IL17RC: variants seen among roughly 807,000 people sequenced by gnomAD.
IL17RC encodes the protein interleukin 17 receptor C, also known as interleukin-17 receptor C.
A neutral mutation model predicts 86.7 loss-of-function variants in IL17RC; 53 were observed. The observed-to-expected ratio is 0.61, with a 90% confidence interval of 0.49 to 0.77. The LOEUF (loss-of-function observed/expected upper bound fraction) is 0.77. Ranked by LOEUF, IL17RC falls within the 30% of genes least tolerant of loss-of-function variation. The probability of loss-of-function intolerance (pLI) is 0.00; values close to 1 mark genes in which losing one functional copy is unlikely to be tolerated. For synonymous variants in IL17RC, 439 were observed against 413.1 expected (o/e 1.06, Z -0.76); for missense variants, 957 against 940.0 (o/e 1.02, Z -0.24).
chr3:9,917,309 C>T lies in IL17RC; in HGVS notation c.-7C>T. ...CTCAGGCCTGGGTGCCACCTGGCAC[C>T]TAGAAGATGCCTGTGCCCTGGTTCT... On this transcript the variant is annotated 5_prime_UTR_variant, in exon 1 of 19. Transcript: ENST00000403601. 6.2e-7 allele frequency: 1 copy of T among 1,610,122 alleles called. No individual in the cohort carries two copies. Among genetic ancestry groups the T allele is most frequent in the Non-Finnish European group, 8.5e-7 (1 of 1,177,512 alleles).
chr3:9,931,470 C>CACACACACATATATATATAT (rs750351615), intron 16 of IL17RC, among the ~76,000 whole-genome samples: 18 of 43,718 alleles, frequency 4.1e-4, no homozygotes, highest in South Asian at 2.7e-3. Flanking sequence ...CACACACACA[C>CACACACACATATATATATAT]ATATATATAT....
At chr3:9,925,495 C>T (rs757932982) in intron 9 of IL17RC, among the ~76,000 whole-genome samples, 2 of 152,090 alleles carry the variant, frequency 1.3e-5, no homozygotes, top group Non-Finnish European at 2.9e-5. Flanking sequence ...CTTTCCCCCT[C>T]CTCTCCATCT....
chr3:9,933,267 C>T lies in IL17RC; in HGVS notation c.1837C>T (p.Leu613Phe), dbSNP rs748841153. ...HGPHDAFRASLSCVLPDFLQG... is the reference protein window; with the variant it reads ...HGPHDAFRASFSCVLPDFLQG... ...CCCGCACGACGCCTTCCGCGCCTCGCTCAGCTGCGTGCTGCCCGACTTCTT... is the reference window on the plus strand; with the variant it reads ...CCCGCACGACGCCTTCCGCGCCTCGTTCAGCTGCGTGCTGCCCGACTTCTT... The change falls in exon 19 of 19, where the codon CTC becomes TTC. Residue 613 changes from leucine (L) to phenylalanine (F), a missense_variant. Physicochemically the swap from Leu to Phe is conservative, Grantham distance 22. Transcript: ENST00000403601. The T allele has an allele frequency of 1.5e-5, 24 of 1,604,380 alleles. No homozygotes were observed. Among genetic ancestry groups the T allele is most frequent in the East Asian group, 2.2e-5 (1 of 44,450 alleles).
In IL17RC at chr3:9,933,620, C is replaced by T. The variant is rs547512503; in HGVS notation, c.*27C>T. On this transcript the variant is annotated 3_prime_UTR_variant, in exon 19 of 19. Coordinates refer to ENST00000403601, the MANE Select transcript of IL17RC (RefSeq NM_153460.4). ...TAAAGGCAGACGCTGTTTTTCTACC[C>T]ATGTGGCCCACACGCGTCTCCGTTT... 3.3e-6 allele frequency: 5 copies of T among 1,528,986 alleles called. No individual in the cohort carries two copies. In the East Asian group the frequency reaches 9.2e-5, roughly 28 times the overall value. 94.7% of individuals were successfully genotyped at this position (1,528,986 alleles called of 1,614,324 possible).
chr3:9,920,325 C>G (rs946593679), intron 5 of IL17RC, 166 bp from the exon 6 acceptor site: 12 of 578,204 alleles, frequency 2.1e-5, no homozygotes, highest in African/African-American at 2.1e-4. Flanking sequence ...AATTGAGGCC[C>G]CTTGAAAGAA....
intron 7 of IL17RC, among the ~76,000 whole-genome samples, chr3:9,922,024 C>A (rs2083618757): frequency 6.9e-6 from 1 of 144,340 alleles, no homozygotes; most frequent in Non-Finnish European, 1.5e-5. Flanking sequence ...GTGATCTCAG[C>A]TCACTGCAAC....
At chr3:9,931,470 C>CACACACAGATAT (rs750351615) in intron 16 of IL17RC, among the ~76,000 whole-genome samples, 1 of 43,736 alleles carries the variant, frequency 2.3e-5, no homozygotes, top group African/African-American at 5.0e-5. Flanking sequence ...CACACACACA[C>CACACACAGATAT]ATATATATAT....
chr3:9,932,856 G>T lies in IL17RC; in HGVS notation c.1520G>T (p.Gly507Val), dbSNP rs1426834787. ...LRLLKQDVRS[G>V]AAARGRAALL... ...CTCTTGAAACAGGACGTCCGCTCGGGGGGTGAGTGGGAGCAAGCGCTGGGC... is the reference window on the plus strand; with the variant it reads ...CTCTTGAAACAGGACGTCCGCTCGGTGGGTGAGTGGGAGCAAGCGCTGGGC... Residue 507 changes from glycine (G) to valine (V), a missense_variant and splice_region_variant, in exon 18 of 19, where the codon GGG becomes GTG. Gly to Val is a moderately radical substitution (Grantham distance 109, BLOSUM62 -3). Coordinates refer to ENST00000403601, the MANE Select transcript of IL17RC (RefSeq NM_153460.4). 1 of 1,570,868 alleles carries T rather than the reference G, an allele frequency of 6.4e-7. No individual in the cohort carries two copies. The highest frequency in any genetic ancestry group is 1.2e-5 in the South Asian group (1 of 83,652).
rs781692172 is a variant in IL17RC at position 9,923,995 on chromosome 3, C to G, written c.737C>G (p.Pro246Arg). Reference protein sequence around the residue: ...SLYWNQVQGPPKPRWHKNLTG... With the variant: ...SLYWNQVQGPRKPRWHKNLTG... ...TACTGGAATCAGGTCCAGGGCCCCC[C>G]AAAACCCCGGTGGCACAAAAACCTG... Residue 246 changes from proline to arginine, a missense_variant, in exon 8 of 19, where the codon CCA (proline) becomes CGA (arginine). Coordinates refer to ENST00000403601, the MANE Select transcript of IL17RC (RefSeq NM_153460.4). 2.5e-6 allele frequency: 4 copies of G among 1,613,954 alleles called. No individual in the cohort carries two copies. In the African/African-American group the frequency reaches 5.3e-5, roughly 22 times the overall value.
At chr3:9,924,112 G>A in intron 8 of IL17RC, 92 bp downstream of exon 8, 1 of 1,609,328 alleles carries the variant, frequency 6.2e-7, no homozygotes, top group Non-Finnish European at 8.5e-7. Context: ...CCTTGAAGAG[G>A]ACTCACCCCA....
intron 16 of IL17RC, among the ~76,000 whole-genome samples, 160 bp downstream of exon 16, chr3:9,931,103 A>G (rs2084613474): frequency 6.6e-6 from 1 of 152,198 alleles, no homozygotes; most frequent in Non-Finnish European, 1.5e-5. Context: ...GAGAGCTTGC[A>G]GGGATCGCAG....
chr3:9,929,483 G>A (rs777467410), intron 12 of IL17RC: 11 of 282,700 alleles, frequency 3.9e-5, no homozygotes, highest in Non-Finnish European at 6.8e-5. Context: ...AAATCATATA[G>A]TATCTTAAAA....
rs1274504130 is a variant in IL17RC at position 9,917,273 on chromosome 3, C to G, written c.-43C>G. On this transcript the variant is annotated 5_prime_UTR_variant, in exon 1 of 19. Transcript: ENST00000403601. ...GGTGTCTGCCCCCCTTGGGGGGGGG[C>G]AGCACAGGGCCTCAGGCCTGGGTGC... 7.0e-7 allele frequency: 1 copy of G among 1,420,686 alleles called. No individual in the cohort carries two copies. The highest frequency in any genetic ancestry group is 9.7e-7 in the Non-Finnish European group (1 of 1,034,448). 88.0% of individuals were successfully genotyped at this position (1,420,686 alleles called of 1,614,324 possible).
At chr3:9,924,758 G>A (rs1367275260) in intron 9 of IL17RC, among the ~76,000 whole-genome samples, 3 of 152,150 alleles carry the variant, frequency 2.0e-5, no homozygotes, top group Non-Finnish European at 4.4e-5. Flanking sequence ...AAGAATGTGT[G>A]CCACACCCAG....
chr3:9,924,927 A>G (rs2083916395), intron 9 of IL17RC, among the ~76,000 whole-genome samples: 1 of 151,486 alleles, frequency 6.6e-6, no homozygotes, highest in African/African-American at 2.4e-5. Context: ...TCAGCCTCCC[A>G]AGTAGCTGGA....
In IL17RC at chr3:9,930,291, C is replaced by G. The variant is rs138231382; in HGVS notation, c.1279-109C>G. ...CCAGGGCCATATTCAGCGGCATCAC[C>G]AAAGTCTCCCAGTCCCCTCTACCTC... is the stretch of plus-strand genomic sequence containing the variant. On this transcript the variant is annotated intron_variant, in intron 14 of 18. Transcript: ENST00000403601. The surrounding 1 kb of genome is among the most constrained non-coding windows in gnomAD (Gnocchi z 5.8). 134 of 1,523,098 alleles carry G rather than the reference C, an allele frequency of 8.8e-5. 2 individuals carry two copies. The South Asian group carries it at 1.2e-3, about 13-fold the overall frequency. The allele number at this position is 1,523,098 out of a possible 1,614,324, so 94.3% of individuals were successfully genotyped here.
In IL17RC at chr3:9,917,367, G is replaced by C. The variant is rs2083164011; in HGVS notation, c.52G>C (p.Val18Leu). The C allele has an allele frequency of 1.2e-6, 2 of 1,614,052 alleles. No individual in the cohort carries two copies. Among genetic ancestry groups the C allele is most frequent in the South Asian group, 1.1e-5 (1 of 91,092 alleles). Residue 18 changes from valine to leucine, a missense_variant, in exon 1 of 19, where the codon GTC becomes CTC. Physicochemically the swap from Val to Leu is conservative, Grantham distance 32. Transcript: ENST00000403601. ...LSLALGRSPV[V>L]LSLERLVGPQ... ...CTTGGCACTGGGCCGAAGCCCAGTG[G>C]TCCTTTCTCTGGAGAGGCTTGTGGG... is the stretch of plus-strand genomic sequence containing the variant.
In IL17RC at chr3:9,928,218, AGGGTGAGCCGACCGGCCTGGGGCTG is replaced by A; in HGVS notation, c.877+3_877+27del. The stretch of plus-strand genomic sequence containing the variant: ...AGGACGAACATCTGCCCCTTCAGGG[AGGGTGAGCCGACCGGCCTGGGGCTG>A]GGGTTGGGGTGTTGCGAGCGATGGG... On this transcript the variant is annotated splice_donor_variant and splice_donor_5th_base_variant and coding_sequence_variant and intron_variant, in exon 10 of 19. Coordinates refer to ENST00000403601, the MANE Select transcript of IL17RC (RefSeq NM_153460.4). LOFTEE classifies it high-confidence loss of function. The A allele has an allele frequency of 2.5e-6, 4 of 1,610,510 alleles. No homozygotes were observed. Among genetic ancestry groups the A allele is most frequent in the Non-Finnish European group, 3.4e-6 (4 of 1,179,678 alleles).
intron 9 of IL17RC, among the ~76,000 whole-genome samples, chr3:9,925,411 C>G (rs2125217186): frequency 6.6e-6 from 1 of 152,246 alleles, no homozygotes; most frequent in Admixed American, 6.5e-5. Context: ...CCACTGTGCC[C>G]AGCCGCTGAT....
Sources: gnomAD v4.1 joint callset for allele counts (sites outside exome capture counted in the v4.1 genomes callset) on GRCh38, gnomAD v4.1.1 for gene constraint, Gnocchi (gnomAD v3.1) non-coding constraint, MANE v1.5 for transcripts, NCBI Gene and HGNC (gene_info 2026-07-23, HGNC 2026-07-21) for gene names.